Variants in RTN1 observed in about 807,000 individuals in gnomAD.
RTN1 encodes the protein reticulon 1.
In RTN1, 25 loss-of-function variants were observed where a neutral mutation model predicts 65.5. That is an observed-to-expected ratio of 0.38 (90% confidence interval 0.28 to 0.53). RTN1 has a LOEUF of 0.53. RTN1 is among the 20% of genes least tolerant of loss of function. The pLI, the probability that RTN1 is intolerant of heterozygous loss-of-function variation, is 0.79. For missense variants in RTN1, 983 were observed against 1,025.4 expected (o/e 0.96, Z 0.57); for synonymous variants, 471 against 447.6 (o/e 1.05, Z -0.66).
At chr14:59,770,585 T>C (rs1885937357) in intron 1 of RTN1, among the ~76,000 whole-genome samples, 1 of 152,126 alleles carries the variant, frequency 6.6e-6, no homozygotes, top group South Asian at 2.1e-4. Context: ...TAAAGCTTTA[T>C]ATATGTATTT....
At chr14:59,861,896 C>T (rs184885669) in intron 1 of RTN1, among the ~76,000 whole-genome samples, 12 of 152,272 alleles carry the variant, frequency 7.9e-5, no homozygotes, top group Admixed American at 5.9e-4. Flanking sequence ...CGTATTATAG[C>T]TCGTCAATGT....
chr14:59,837,304 C>T (rs1957305), intron 1 of RTN1, among the ~76,000 whole-genome samples: 37,280 of 151,382 alleles, frequency 0.25, 4,774 homozygotes, highest in East Asian at 0.49. Context: ...CCAAAACAAA[C>T]TCAAAATTGA....
At chr14:59,715,015 T>C (rs925590969) in intron 3 of RTN1, among the ~76,000 whole-genome samples, 7 of 152,204 alleles carry the variant, frequency 4.6e-5, no homozygotes, top group Non-Finnish European at 7.3e-5. Context: ...TGCCTGATGC[T>C]TTGAGGTGGA....
At chr14:59,842,122 T>C (rs906287376) in intron 1 of RTN1, among the ~76,000 whole-genome samples, 5 of 151,188 alleles carry the variant, frequency 3.3e-5, no homozygotes, top group Admixed American at 2.6e-4. Context: ...CAAGACTCCA[T>C]TCTTGAAAAA....
chr14:59,669,139 C>A (rs1205077628), intron 3 of RTN1, among the ~76,000 whole-genome samples: 1 of 152,078 alleles, frequency 6.6e-6, no homozygotes. Flanking sequence ...CATGCTGCTA[C>A]AAAGTCATAT....
rs760721066 is a variant in RTN1 at position 59,689,602 on chromosome 14, C to T, written c.1765+37317G>A. 1.1e-3 allele frequency among the ~76,000 whole-genome samples: 166 copies of T among 152,286 alleles called. 3 individuals are homozygous for T. The highest frequency in any genetic ancestry group is 3.4e-3 in the Middle Eastern group (1 of 294). ...TAAAGAGAACCCCATCAGCTAACAG[C>T]GGACTTCTCAGCAGAAACCTTACAA... On this transcript the variant is annotated intron_variant, in intron 3 of 8. Transcript: ENST00000267484.
Position 59,870,735 on chromosome 14 carries a change from G to A in RTN1, c.-105C>T, listed in dbSNP as rs1566754754. On this transcript the variant is annotated 5_prime_UTR_variant, in exon 1 of 9. Transcript: ENST00000267484. The surrounding 1 kb of genome is among the most constrained non-coding windows in gnomAD (Gnocchi z 5.1). ...TCCCCGGAGGGACTCGGCGCTCAGGGAAGCTGCGGTGTCTCAGCGTCGCCG... is the reference window on the plus strand; with the variant it reads ...TCCCCGGAGGGACTCGGCGCTCAGGAAAGCTGCGGTGTCTCAGCGTCGCCG... 4.1e-6 allele frequency: 5 copies of A among 1,215,450 alleles called. No homozygotes were observed. Among genetic ancestry groups the A allele is most frequent in the Admixed American group, 4.3e-5 (1 of 23,018 alleles). 75.3% of individuals were successfully genotyped at this position (1,215,450 alleles called of 1,614,324 possible).
chr14:59,742,761 G>C (rs1233755121), intron 2 of RTN1, among the ~76,000 whole-genome samples: 1 of 151,972 alleles, frequency 6.6e-6, no homozygotes, highest in Non-Finnish European at 1.5e-5. Context: ...CTCAATTTTT[G>C]TTTTCAATCT....
intron 3 of RTN1, among the ~76,000 whole-genome samples, chr14:59,639,587 C>G (rs935016577): frequency 3.3e-5 from 5 of 152,118 alleles, no homozygotes; most frequent in African/African-American, 1.2e-4. Context: ...GAAGTGGTAA[C>G]AGATTATTCT....
At chr14:59,808,591 G>T (rs905609553) in intron 1 of RTN1, among the ~76,000 whole-genome samples, 31 of 152,264 alleles carry the variant, frequency 2.0e-4, no homozygotes, top group Non-Finnish European at 2.8e-4. Flanking sequence ...GGAGGCTTAC[G>T]TTTACAAGGC....
chr14:59,841,726 A>C (rs1009351413), intron 1 of RTN1, among the ~76,000 whole-genome samples: 7 of 150,802 alleles, frequency 4.6e-5, no homozygotes, highest in African/African-American at 7.3e-5. Context: ...CAAAAAAAAA[A>C]ACAGCAGACT....
chr14:59,783,368 G>T (rs1886191835), intron 1 of RTN1, among the ~76,000 whole-genome samples: 1 of 152,154 alleles, frequency 6.6e-6, no homozygotes, highest in South Asian at 2.1e-4. Context: ...GTTGGAGTGG[G>T]GTTTGGATTA....
intron 3 of RTN1, among the ~76,000 whole-genome samples, chr14:59,628,090 T>G (rs1320499223): frequency 6.6e-6 from 1 of 151,942 alleles, no homozygotes; most frequent in African/African-American, 2.4e-5. Flanking sequence ...ATCCCAACAC[T>G]TTGGGAGGCT....
intron 1 of RTN1, among the ~76,000 whole-genome samples, chr14:59,750,380 T>A (rs868582405): frequency 0.14 from 5,596 of 41,104 alleles, 746 homozygotes; most frequent in Non-Finnish European, 0.15. Flanking sequence ...ATCTATATAT[T>A]ATATATTATA....
intron 1 of RTN1, among the ~76,000 whole-genome samples, chr14:59,855,218 T>C (rs1887583245): frequency 6.6e-6 from 1 of 152,216 alleles, no homozygotes; most frequent in South Asian, 2.1e-4. Context: ...AGGGATTTTA[T>C]TATTTATCCC....
intron 3 of RTN1, among the ~76,000 whole-genome samples, chr14:59,725,140 C>T (rs1233185904): frequency 6.6e-6 from 1 of 152,210 alleles, no homozygotes; most frequent in Non-Finnish European, 1.5e-5. Flanking sequence ...GAAGCCTTTG[C>T]ATTCACAGCT....
chr14:59,659,172 AC>A (rs1299854049), intron 3 of RTN1, among the ~76,000 whole-genome samples: 1 of 152,104 alleles, frequency 6.6e-6, no homozygotes, highest in Non-Finnish European at 1.5e-5. Flanking sequence ...AAGTGTGAAG[AC>A]AAGATTAGAG....
intron 3 of RTN1, among the ~76,000 whole-genome samples, chr14:59,629,785 T>C (rs537987176): frequency 2.0e-5 from 3 of 152,336 alleles, no homozygotes; most frequent in Non-Finnish European, 4.4e-5. Flanking sequence ...CCACGGGCAC[T>C]GTTTCGTTCT....
chr14:59,637,758 T>C (rs1306908403), intron 3 of RTN1, among the ~76,000 whole-genome samples: 1 of 152,150 alleles, frequency 6.6e-6, no homozygotes, highest in East Asian at 1.9e-4. Flanking sequence ...ACTCTTGTTA[T>C]GGAGGATGAC....
Sources: gnomAD v4.1 joint callset for allele counts (sites outside exome capture counted in the v4.1 genomes callset) on GRCh38, gnomAD v4.1.1 for gene constraint, Gnocchi (gnomAD v3.1) non-coding constraint, MANE v1.5 for transcripts, NCBI Gene and HGNC (gene_info 2026-07-23, HGNC 2026-07-21) for gene names.